CACNA1A: variants seen among roughly 807,000 people sequenced by gnomAD.
CACNA1A encodes calcium voltage-gated channel subunit alpha1 A.
CACNA1A carries 57 observed loss-of-function variants against 262.4 expected under a neutral mutation model. The observed-to-expected ratio is 0.22, with a 90% confidence interval of 0.18 to 0.27. CACNA1A has a LOEUF of 0.27. Ranked by LOEUF, CACNA1A falls within the 10% of genes least tolerant of loss-of-function variation. CACNA1A has a pLI of 1.00. For synonymous variants in CACNA1A, 1,431 were observed against 1,419.3 expected (o/e 1.01, Z -0.18); for missense variants, 2,526 against 3,562.8 (o/e 0.71, Z 7.41).
In CACNA1A at chr19:13,472,577, T is replaced by C. The variant is rs558852475; in HGVS notation, c.294-17365A>G. Among the ~76,000 whole-genome samples, 7 of 152,224 alleles carry C rather than the reference T, an allele frequency of 4.6e-5. No homozygotes were observed. The East Asian group carries it at 1.2e-3, about 25-fold the overall frequency. On this transcript the variant is annotated intron_variant, in intron 1 of 46. Transcript: ENST00000360228. ...TTTTTAACATGATGAACTTGTTCCT[T>C]CCCCAGGGCCTTTGCACATGCTGTT...
intron 5 of CACNA1A, chr19:13,364,265 C>A: frequency 6.6e-6 from 1 of 152,410 alleles, no homozygotes; most frequent in Middle Eastern, 3.4e-3. Context: ...TACTCTCACC[C>A]AGCACTCAGG....
At chr19:13,215,009 TGTG>T (rs775507730) in intron 38 of CACNA1A, 9 of 165,876 alleles carry the variant, frequency 5.4e-5, no homozygotes, top group East Asian at 1.7e-4. Flanking sequence ...TGTGTGTGTG[TGTG>T]TTTTTTTTTT....
chr19:13,360,601 C>G (rs900549664), intron 5 of CACNA1A, among the ~76,000 whole-genome samples: 1 of 151,778 alleles, frequency 6.6e-6, no homozygotes, highest in African/African-American at 2.4e-5. Context: ...CCTCAGGCTC[C>G]CAAGTAGCTG....
At chr19:13,297,637 CCTGTCTCTACAAAACA>C (rs1352893501) in intron 19 of CACNA1A, among the ~76,000 whole-genome samples, 4 of 152,242 alleles carry the variant, frequency 2.6e-5, no homozygotes, top group South Asian at 2.1e-4. Context: ...ACAGTGAAAC[CCTGTCTCTACAAAACA>C]CTGTCTCTAC....
At position 13,506,258 on chromosome 19, in the gene CACNA1A, C is replaced by T; in HGVS notation, c.-34G>A. ...GAGCAAAGGGCTCCGGGTTACGCTGCGGCGAACGATGCGGAAGACGCCGCC... is the reference window on the plus strand; with the variant it reads ...GAGCAAAGGGCTCCGGGTTACGCTGTGGCGAACGATGCGGAAGACGCCGCC... On this transcript the variant is annotated 5_prime_UTR_variant, in exon 1 of 47. Coordinates refer to ENST00000360228, the MANE Select transcript of CACNA1A (RefSeq NM_001127222.2). 2 of 1,411,320 alleles carry T rather than the reference C, an allele frequency of 1.4e-6. No homozygotes were observed. Among genetic ancestry groups the T allele is most frequent in the Non-Finnish European group, 1.8e-6 (2 of 1,094,718 alleles). 87.4% of individuals were successfully genotyped at this position (1,411,320 alleles called of 1,614,324 possible). A position where few individuals can be genotyped will look rare whatever the true frequency, so the allele number is the denominator to read the frequency against.
intron 1 of CACNA1A, among the ~76,000 whole-genome samples, chr19:13,468,706 G>C (rs1204294639): frequency 1.3e-5 from 2 of 152,162 alleles, no homozygotes; most frequent in Non-Finnish European, 2.9e-5. Flanking sequence ...AAAACTGTTT[G>C]AACCCAGGAG....
At chr19:13,464,769 C>G (rs867629494) in intron 1 of CACNA1A, among the ~76,000 whole-genome samples, 2 of 151,598 alleles carry the variant, frequency 1.3e-5, no homozygotes, top group African/African-American at 2.4e-5. Context: ...AGGGTGGTCT[C>G]GATCTCCTGA....
chr19:13,237,949 G>A (rs751107238), intron 31 of CACNA1A, among the ~76,000 whole-genome samples: 59 of 152,344 alleles, frequency 3.9e-4, no homozygotes, highest in Non-Finnish European at 5.9e-4. Context: ...AGCCTCAGGA[G>A]GGGGGTTTGG....
intron 46 of CACNA1A, 109 bp from the exon 47 acceptor site, chr19:13,208,162 AGAG>A (rs2054638736): frequency 1.5e-5 from 1 of 68,134 alleles, no homozygotes; most frequent in Middle Eastern, 5.4e-3. Flanking sequence ...GGCCGGGAGG[AGAG>A]GGAGGAGGGG....
chr19:13,417,889 CAAAA>C (rs113789898), intron 3 of CACNA1A, among the ~76,000 whole-genome samples: 3 of 83,422 alleles, frequency 3.6e-5, no homozygotes, highest in African/African-American at 5.0e-5. Context: ...GACTCCATCT[CAAAA>C]AAAAAAAAAA....
intron 3 of CACNA1A, among the ~76,000 whole-genome samples, chr19:13,419,547 T>C (rs1401379874): frequency 6.6e-6 from 1 of 152,032 alleles, no homozygotes; most frequent in Non-Finnish European, 1.5e-5. Context: ...TGTGGTGGCA[T>C]GCATCTGTGG....
chr19:13,229,983 G>A, intron 36 of CACNA1A, 99 bp downstream of exon 36: 1 of 1,369,514 alleles, frequency 7.3e-7, no homozygotes, highest in Non-Finnish European at 1.0e-6. Context: ...TAGGACCCCA[G>A]GAGTTCAGTG....
intron 21 of CACNA1A, chr19:13,284,421 T>A (rs904674144): frequency 1.3e-5 from 2 of 152,216 alleles, no homozygotes; most frequent in Non-Finnish European, 2.9e-5. Context: ...TTCTCCCCCA[T>A]CTTATCTGAC....
In CACNA1A at chr19:13,421,504, T is replaced by C. The variant is rs191060497; in HGVS notation, c.539+31372A>G. 3.0e-3 allele frequency among the ~76,000 whole-genome samples: 464 copies of C among 152,254 alleles called. 2 individuals are homozygous for C. Among genetic ancestry groups the C allele is most frequent in the African/African-American group, 0.011 (439 of 41,554 alleles). ...TGGAAGAGCACTGCTATGGTCTGAATGTCTGTGTCTTTCTCAAATTCATAT... is the reference window on the plus strand; with the variant it reads ...TGGAAGAGCACTGCTATGGTCTGAACGTCTGTGTCTTTCTCAAATTCATAT... On this transcript the variant is annotated intron_variant, in intron 3 of 46. Transcript: ENST00000360228.
chr19:13,265,081 G>T (rs1756043103), intron 24 of CACNA1A, among the ~76,000 whole-genome samples: 1 of 152,054 alleles, frequency 6.6e-6, no homozygotes, highest in South Asian at 2.1e-4. Context: ...CACCGTGTTG[G>T]CCAGGCTGGT....
chr19:13,446,271 G>C (rs370826701), intron 3 of CACNA1A, among the ~76,000 whole-genome samples: 1 of 110,224 alleles, frequency 9.1e-6, no homozygotes, highest in East Asian at 3.7e-4. Context: ...AAAAAAAAAG[G>C]AAAGAAAGTA....
Position 13,502,029 on chromosome 19 carries a change from C to T in CACNA1A, c.293+3903G>A, listed in dbSNP as rs571065347. ...AGTACAAGGATCACGTAAGTGACAC[C>T]ATCCTGCCCTCTACGGCAGTACCTT... On this transcript the variant is annotated intron_variant, in intron 1 of 46. Transcript: ENST00000360228. Among the ~76,000 whole-genome samples the T allele has an allele frequency of 1.7e-3, 262 of 152,196 alleles. 1 individual carries two copies. Among genetic ancestry groups the T allele is most frequent in the African/African-American group, 6.1e-3 (254 of 41,536 alleles).
Position 13,427,676 on chromosome 19 carries a change from A to C in CACNA1A, c.539+25200T>G, listed in dbSNP as rs564131883. 4.5e-4 allele frequency among the ~76,000 whole-genome samples: 69 copies of C among 152,186 alleles called. No homozygotes were observed. In the South Asian group the frequency reaches 0.014, roughly 30 times the overall value. ...AACAACCCTTTTAGGATTCTTTCCA[A>C]AGATCCAAGGAGATGTGTGTTAAGG... is the stretch of plus-strand genomic sequence containing the variant. On this transcript the variant is annotated intron_variant, in intron 3 of 46. Coordinates refer to ENST00000360228, the MANE Select transcript of CACNA1A (RefSeq NM_001127222.2).
At chr19:13,302,719 C>T (rs563115967) in intron 17 of CACNA1A, among the ~76,000 whole-genome samples, 1 of 152,356 alleles carries the variant, frequency 6.6e-6, no homozygotes, top group African/African-American at 2.4e-5. Flanking sequence ...CCAGCCAGCT[C>T]CACAGTGGCC....
Sources: gnomAD v4.1 joint callset for allele counts (sites outside exome capture counted in the v4.1 genomes callset) on GRCh38, gnomAD v4.1.1 for gene constraint, MANE v1.5 for transcripts, NCBI Gene and HGNC (gene_info 2026-07-23, HGNC 2026-07-21) for gene names.